The following PLEKHA5 variants were observed in gnomAD, a reference collection of about 807,000 sequenced individuals.
The protein encoded by PLEKHA5 is pleckstrin homology domain containing A5.
In PLEKHA5, 55 loss-of-function variants were observed where a neutral mutation model predicts 181.9. The ratio of observed to expected loss-of-function variants is 0.30; its 90% CI spans 0.24 to 0.38. The LOEUF (loss-of-function observed/expected upper bound fraction) is 0.38, where lower values mean the gene tolerates loss of function less well. Ranked by LOEUF, PLEKHA5 falls within the 10% of genes least tolerant of loss-of-function variation. The pLI, the probability that PLEKHA5 is intolerant of heterozygous loss-of-function variation, is 1.00. For synonymous variants in PLEKHA5, 535 were observed against 529.4 expected (o/e 1.01, Z -0.15); for missense variants, 1,432 against 1,549.5 (o/e 0.92, Z 1.27).
intron 3 of PLEKHA5, chr12:19,151,629 A>G (rs758728032): frequency 7.9e-5 from 12 of 152,098 alleles, no homozygotes; most frequent in Admixed American, 1.3e-4. Context: ...TATTTTCACT[A>G]TGGTTTTTCA....
chr12:19,249,589 G>A lies in PLEKHA5; in HGVS notation c.228-4351G>A, dbSNP rs186227283. Among the ~76,000 whole-genome samples, 27 of 152,266 alleles carry A rather than the reference G, an allele frequency of 1.8e-4. No individual in the cohort carries two copies. The East Asian group carries it at 5.0e-3, about 28-fold the overall frequency. On this transcript the variant is annotated intron_variant, in intron 3 of 31. Coordinates refer to ENST00000429027, the MANE Select transcript of PLEKHA5 (RefSeq NM_001256470.2). ...GAAAGCAAAACCACAGATAAGGGAG[G>A]ACTACTGTATATAAATATATGTCTA...
In PLEKHA5 at chr12:19,255,030, G is replaced by A. The variant is rs373730152; in HGVS notation, c.312-15G>A. The A allele has an allele frequency of 2.6e-5, 41 of 1,595,494 alleles. No homozygotes were observed. The African/African-American group carries it at 4.3e-4, about 17-fold the overall frequency. ...CATACACAGCAAGTTCTAGCATTTT[G>A]ACATATATTTTCAGGACTGTTGCAA... is the stretch of plus-strand genomic sequence containing the variant. On this transcript the variant is annotated splice_polypyrimidine_tract_variant and intron_variant, in intron 4 of 31. Coordinates refer to ENST00000429027, the MANE Select transcript of PLEKHA5 (RefSeq NM_001256470.2).
At chr12:19,231,614 A>ATT (rs1294650905) in intron 3 of PLEKHA5, among the ~76,000 whole-genome samples, 3 of 147,258 alleles carry the variant, frequency 2.0e-5, no homozygotes, top group African/African-American at 4.9e-5. Context: ...ATATATATAA[A>ATT]TACTCATAAA....
At chr12:19,291,258 C>T (rs992617157) in intron 14 of PLEKHA5, among the ~76,000 whole-genome samples, 11 of 151,950 alleles carry the variant, frequency 7.2e-5, no homozygotes, top group South Asian at 4.1e-4. Context: ...ATGAAAAGAA[C>T]GAACACATAA....
intron 3 of PLEKHA5, among the ~76,000 whole-genome samples, chr12:19,240,929 C>A (rs944023256): frequency 6.6e-6 from 1 of 152,084 alleles, no homozygotes; most frequent in Admixed American, 6.5e-5. Context: ...TTCTTTTTAA[C>A]CCGCTAAAAT....
chr12:19,240,942 A>G (rs1027183398), intron 3 of PLEKHA5, among the ~76,000 whole-genome samples: 2 of 152,098 alleles, frequency 1.3e-5, no homozygotes, highest in African/African-American at 4.8e-5. Flanking sequence ...GCTAAAATAT[A>G]CCCTGTGAGC....
intron 10 of PLEKHA5, among the ~76,000 whole-genome samples, chr12:19,273,099 G>A (rs1223771645): frequency 6.6e-6 from 1 of 151,992 alleles, no homozygotes; most frequent in Non-Finnish European, 1.5e-5. Flanking sequence ...CGTAGAGACG[G>A]GGTCTCACCA....
chr12:19,314,099 C>T (rs1255109822), intron 15 of PLEKHA5, among the ~76,000 whole-genome samples: 1 of 152,108 alleles, frequency 6.6e-6, no homozygotes, highest in Non-Finnish European at 1.5e-5. Context: ...AACTCAAGTA[C>T]AGAGCCTGCT....
intron 26 of PLEKHA5, among the ~76,000 whole-genome samples, chr12:19,356,306 G>A (rs1440660010): frequency 2.6e-5 from 4 of 152,020 alleles, no homozygotes; most frequent in Non-Finnish European, 5.9e-5. Flanking sequence ...CTTGAGCTCA[G>A]GAATTCAAGA....
intron 4 of PLEKHA5, 69 bp from the exon 5 acceptor site, chr12:19,254,976 G>A (rs949939905): frequency 6.5e-6 from 9 of 1,386,782 alleles, no homozygotes; most frequent in South Asian, 1.5e-5. Flanking sequence ...ATTGTTAACT[G>A]TAGAGAAGTG....
At chr12:19,156,273 A>G (rs1251606064) in intron 3 of PLEKHA5, among the ~76,000 whole-genome samples, 1 of 151,366 alleles carries the variant, frequency 6.6e-6, no homozygotes, top group East Asian at 1.9e-4. Flanking sequence ...TGTGAGACAC[A>G]AGAGGAAATA....
intron 3 of PLEKHA5, chr12:19,200,934 A>T (rs1437040371): frequency 6.6e-6 from 1 of 152,454 alleles, no homozygotes; most frequent in African/African-American, 2.4e-5. Context: ...TATTTGTGAC[A>T]TTGGGTCTGG....
chr12:19,232,877 G>T (rs886631545), intron 3 of PLEKHA5, among the ~76,000 whole-genome samples: 1 of 152,130 alleles, frequency 6.6e-6, no homozygotes, highest in Non-Finnish European at 1.5e-5. Context: ...TTTAGAAGTT[G>T]TTGGCCCCAT....
chr12:19,225,768 C>A (rs926413181), intron 3 of PLEKHA5, among the ~76,000 whole-genome samples: 8 of 152,270 alleles, frequency 5.3e-5, no homozygotes, highest in Admixed American at 3.9e-4. Flanking sequence ...GTTGGATGTG[C>A]AGTTTGGCAA....
intron 3 of PLEKHA5, among the ~76,000 whole-genome samples, chr12:19,137,603 G>A (rs1369636567): frequency 1.3e-5 from 2 of 152,178 alleles, no homozygotes; most frequent in Non-Finnish European, 2.9e-5. Context: ...GGGGAACATA[G>A]ACTTATTTAG....
chr12:19,361,917 T>C (rs762942193), intron 29 of PLEKHA5, among the ~76,000 whole-genome samples: 4 of 152,052 alleles, frequency 2.6e-5, no homozygotes, highest in Non-Finnish European at 5.9e-5. Context: ...ACATCTATAA[T>C]TCCAGCACTT....
intron 3 of PLEKHA5, among the ~76,000 whole-genome samples, chr12:19,227,099 A>T (rs893840833): frequency 6.6e-6 from 1 of 152,042 alleles, no homozygotes; most frequent in African/African-American, 2.4e-5. Context: ...CTCATTGTTA[A>T]TGTTTTCAGT....
intron 15 of PLEKHA5, among the ~76,000 whole-genome samples, chr12:19,302,168 C>T (rs1195419766): frequency 1.3e-5 from 2 of 151,994 alleles, no homozygotes; most frequent in Admixed American, 6.5e-5. Flanking sequence ...AAATCTTTTC[C>T]GAAGAAGTCA....
intron 15 of PLEKHA5, among the ~76,000 whole-genome samples, chr12:19,312,520 A>G (rs552157764): frequency 1.3e-5 from 2 of 152,352 alleles, no homozygotes; most frequent in South Asian, 4.1e-4. Flanking sequence ...TTGCACTTAC[A>G]TGTTATGGAG....
Sources: gnomAD v4.1 joint callset for allele counts (sites outside exome capture counted in the v4.1 genomes callset) on GRCh38, gnomAD v4.1.1 for gene constraint, MANE v1.5 for transcripts, NCBI Gene and HGNC (gene_info 2026-07-23, HGNC 2026-07-21) for gene names.